Variants in HOMEZ observed in about 807,000 individuals in gnomAD.
HOMEZ encodes homeobox and leucine zipper encoding.
Under a neutral mutation model 50.1 loss-of-function variants are expected in HOMEZ, and 20 were observed. The observed-to-expected ratio is 0.40, with a 90% CI of 0.28 to 0.58. The LOEUF is 0.58. Ranked by LOEUF, HOMEZ falls within the 20% of genes least tolerant of loss-of-function variation. The probability of loss-of-function intolerance (pLI) is 0.46; values close to 1 mark genes in which losing one functional copy is unlikely to be tolerated. For missense variants in HOMEZ, 579 were observed against 680.5 expected (o/e 0.85, Z 1.66); for synonymous variants, 239 against 254.7 (o/e 0.94, Z 0.59).
At chr14:23,282,770 C>T (rs1886583416) in intron 1 of HOMEZ, among the ~76,000 whole-genome samples, 1 of 152,216 alleles carries the variant, frequency 6.6e-6, no homozygotes, top group South Asian at 2.1e-4. Context: ...ATGTCCTTCA[C>T]ATTCTCGGCA....
intron 1 of HOMEZ, among the ~76,000 whole-genome samples, chr14:23,282,847 A>G (rs1344023133): frequency 6.6e-6 from 1 of 152,236 alleles, no homozygotes; most frequent in African/African-American, 2.4e-5. Flanking sequence ...ATATGCATTC[A>G]GTTTTCACTT....
chr14:23,280,301 C>T (rs950030026), intron 1 of HOMEZ, among the ~76,000 whole-genome samples: 40 of 152,124 alleles, frequency 2.6e-4, no homozygotes, highest in African/African-American at 9.4e-4. Context: ...TCCCCTCCCC[C>T]AGCCTTTGTC....
chr14:23,280,728 T>TTTTTA (rs1555323596), intron 1 of HOMEZ, among the ~76,000 whole-genome samples: 1 of 62,796 alleles, frequency 1.6e-5, no homozygotes, highest in Non-Finnish European at 3.1e-5. Flanking sequence ...TTATTTTATT[T>TTTTTA]TATTTTATTT....
chr14:23,285,962 G>T lies in HOMEZ; in HGVS notation c.-10C>A. ...CCCAGCCTCGCACCATGGGCCGGGG[G>T]GAAGTGGGGGAGAGGGCAGGGGGCC... On this transcript the variant is annotated 5_prime_UTR_variant, in exon 1 of 2. Coordinates refer to ENST00000357460, the MANE Select transcript of HOMEZ (RefSeq NM_020834.3). 2 of 1,242,106 alleles carry T rather than the reference G, an allele frequency of 1.6e-6. No homozygotes were observed. Among genetic ancestry groups the T allele is most frequent in the Non-Finnish European group, 2.0e-6 (2 of 986,422 alleles). The allele number at this position is 1,242,106 out of a possible 1,614,324, so 76.9% of individuals were successfully genotyped here.
chr14:23,275,690 A>G lies in HOMEZ; in HGVS notation c.1538T>C (p.Leu513Pro). 6.3e-7 allele frequency: 1 copy of G among 1,595,948 alleles called. No individual in the cohort carries two copies. The highest frequency in any genetic ancestry group is 8.5e-7 in the Non-Finnish European group (1 of 1,171,102). Residue 513 changes from leucine (L) to proline (P), a missense_variant, in exon 2 of 2, where the codon CTA (leucine) becomes CCA (proline). Coordinates refer to ENST00000357460, the MANE Select transcript of HOMEZ (RefSeq NM_020834.3). Reference sequence around the variant, plus strand: ...CTCCTCCTCTTCCTCTTCTTCATCTAGACAAACTACCACCTCAGCTGGCTG... The same window carrying G: ...CTCCTCCTCTTCCTCTTCTTCATCTGGACAAACTACCACCTCAGCTGGCTG... ...LPQPAEVVVC[L>P]DEEEEEEEEE...
intron 1 of HOMEZ, among the ~76,000 whole-genome samples, chr14:23,277,855 A>C (rs1358165495): frequency 6.6e-6 from 1 of 150,952 alleles, no homozygotes; most frequent in Non-Finnish European, 1.5e-5. Context: ...TTTGAGATGG[A>C]GTCTCACTCT....
intron 1 of HOMEZ, among the ~76,000 whole-genome samples, chr14:23,280,917 G>GAGCCTGC: frequency 6.6e-6 from 1 of 151,426 alleles, no homozygotes; most frequent in South Asian, 2.1e-4. Flanking sequence ...AGGACTACAG[G>GAGCCTGC]CGCACGCCAC....
At chr14:23,278,610 C>CA (rs2140503784) in intron 1 of HOMEZ, among the ~76,000 whole-genome samples, 1 of 152,226 alleles carries the variant, frequency 6.6e-6, no homozygotes, top group African/African-American at 2.4e-5. Context: ...GTGATCCTCC[C>CA]ACCTCAGCCT....
chr14:23,280,781 T>TTA (rs1366214332), intron 1 of HOMEZ, among the ~76,000 whole-genome samples: 1 of 140,444 alleles, frequency 7.1e-6, no homozygotes, highest in Non-Finnish European at 1.5e-5. Flanking sequence ...TTATTTTATT[T>TTA]TATTTTATTT....
chr14:23,277,575 G>A (rs990620576), intron 1 of HOMEZ, among the ~76,000 whole-genome samples: 3 of 151,984 alleles, frequency 2.0e-5, no homozygotes, highest in Non-Finnish European at 4.4e-5. Flanking sequence ...GCAACACAGT[G>A]AGACTACAAA....
At chr14:23,285,810 C>T (rs1886648449) in intron 1 of HOMEZ, 103 bp downstream of exon 1, 2 of 640,628 alleles carry the variant, frequency 3.1e-6, no homozygotes, top group African/African-American at 1.9e-5. Flanking sequence ...CGGGCCACTT[C>T]GAACCTAGAA....
chr14:23,284,315 C>T (rs1886616478), intron 1 of HOMEZ, among the ~76,000 whole-genome samples: 1 of 152,172 alleles, frequency 6.6e-6, no homozygotes, highest in Non-Finnish European at 1.5e-5. Flanking sequence ...TCAAGTGCGT[C>T]TAGAAGGGAC....
chr14:23,272,746 A>G lies in HOMEZ; in HGVS notation c.*2829T>C. 1.1e-6 allele frequency: 1 copy of G among 883,566 alleles called. No individual in the cohort carries two copies. The highest frequency in any genetic ancestry group is 1.4e-5 in the South Asian group (1 of 70,766). 54.7% of individuals were successfully genotyped at this position (883,566 alleles called of 1,614,324 possible). A position where few individuals can be genotyped will look rare whatever the true frequency, so the allele number is the denominator to read the frequency against. On this transcript the variant is annotated 3_prime_UTR_variant, in exon 2 of 2. Coordinates refer to ENST00000357460, the MANE Select transcript of HOMEZ (RefSeq NM_020834.3). ...TGGTGTCTGTCTCGATAAGCTTCAT[A>G]CAACAGGTCAGAGAGACTTGCTTGC...
intron 1 of HOMEZ, chr14:23,285,607 C>G: frequency 3.1e-6 from 1 of 319,646 alleles, no homozygotes; most frequent in Non-Finnish European, 5.7e-6. Context: ...CCAGAAGGCT[C>G]CGAACTGGGT....
rs141956696 is a variant in HOMEZ at position 23,282,530 on chromosome 14, A to G, written c.40+3383T>C. On this transcript the variant is annotated intron_variant, in intron 1 of 1. Transcript: ENST00000357460. ...ATTGTGGCCCACCGAGAACACCACC[A>G]AATCCAAGCTGGAGAACACTTTATG... Among the ~76,000 whole-genome samples, 265 of 152,192 alleles carry G rather than the reference A, an allele frequency of 1.7e-3. 1 individual carries two copies. Among genetic ancestry groups the G allele is most frequent in the African/African-American group, 6.1e-3 (254 of 41,530 alleles).
intron 1 of HOMEZ, among the ~76,000 whole-genome samples, chr14:23,280,962 G>C (rs1172743726): frequency 6.6e-6 from 1 of 150,982 alleles, no homozygotes; most frequent in Non-Finnish European, 1.5e-5. Flanking sequence ...GTAGAGACAG[G>C]ATTTCACCAT....
In HOMEZ at chr14:23,276,694, CG is replaced by C; in HGVS notation, c.533del (p.Thr178ArgfsTer4). 6.2e-7 allele frequency: 1 copy of C among 1,614,030 alleles called. No individual in the cohort carries two copies. Among genetic ancestry groups the C allele is most frequent in the Non-Finnish European group, 8.5e-7 (1 of 1,179,896 alleles). On this transcript the variant is annotated frameshift_variant, in exon 2 of 2. Coordinates refer to ENST00000357460, the MANE Select transcript of HOMEZ (RefSeq NM_020834.3). LOFTEE classifies it high-confidence loss of function. This position sits in a 1 kb window ranked among gnomAD's most constrained non-coding sequence, Gnocchi z 4.1. ...GPPTLSKPTQ[T>X]KGLKVEPEEP... Reference sequence around the variant, plus strand: ...CCTCAGGCTCTACCTTCAATCCTTTCGTCTGGGTAGGCTTGCTAAGAGTTGG... The same window carrying C: ...CCTCAGGCTCTACCTTCAATCCTTTCTCTGGGTAGGCTTGCTAAGAGTTGG...
In HOMEZ at chr14:23,275,426, A is replaced by C. The variant is rs866416205; in HGVS notation, c.*149T>G. Reference sequence around the variant, plus strand: ...TGGTCATTCTCCCTGGTCCACCCTCACTATATCCCCCTGCCACCCACCCTG... The same window carrying C: ...TGGTCATTCTCCCTGGTCCACCCTCCCTATATCCCCCTGCCACCCACCCTG... On this transcript the variant is annotated 3_prime_UTR_variant, in exon 2 of 2. Transcript: ENST00000357460. 3.1e-6 allele frequency: 3 copies of C among 982,050 alleles called. No homozygotes were observed. The highest frequency in any genetic ancestry group is 4.4e-6 in the Non-Finnish European group (3 of 679,280). 60.8% of individuals were successfully genotyped at this position (982,050 alleles called of 1,614,324 possible). A position where few individuals can be genotyped will look rare whatever the true frequency, so the allele number is the denominator to read the frequency against.
At position 23,273,475 on chromosome 14, in the gene HOMEZ, C is replaced by G. The variant is rs1390043921; in HGVS notation, c.*2100G>C. 2 of 152,240 alleles carry G rather than the reference C, an allele frequency of 1.3e-5. No individual in the cohort carries two copies. The highest frequency in any genetic ancestry group is 6.5e-5 in the Admixed American group (1 of 15,280). The allele number at this position is 152,240 out of a possible 1,614,324, so 9.4% of individuals were successfully genotyped here. On this transcript the variant is annotated 3_prime_UTR_variant, in exon 2 of 2. Coordinates refer to ENST00000357460, the MANE Select transcript of HOMEZ (RefSeq NM_020834.3). ...TAAAGACGATGCCCTTTTATTGCTA[C>G]AATTCTATCACTTTTACAAGCTCTA... is the stretch of plus-strand genomic sequence containing the variant.
Sources: allele counts gnomAD v4.1 joint callset (sites outside exome capture counted in the v4.1 genomes callset), GRCh38; gene constraint gnomAD v4.1.1; non-coding constraint Gnocchi (gnomAD v3.1); transcripts MANE v1.5; gene names NCBI Gene and HGNC (gene_info 2026-07-23, HGNC 2026-07-21).